The following ADAMTS20 variants were observed in gnomAD, a reference collection of about 807,000 sequenced individuals.
The protein encoded by ADAMTS20 is ADAM metallopeptidase with thrombospondin type 1 motif 20, also known as A disintegrin and metalloproteinase with thrombospondin motifs 20.
In ADAMTS20, 225 loss-of-function variants were observed where a neutral mutation model predicts 260.1. The ratio of observed to expected loss-of-function variants is 0.87; its 90% CI spans 0.78 to 0.97. The LOEUF is 0.97. Ranked by LOEUF, ADAMTS20 falls within the 50% of genes least tolerant of loss-of-function variation. The pLI, the probability that ADAMTS20 is intolerant of heterozygous loss-of-function variation, is 0.00. For missense variants in ADAMTS20, 2,400 were observed against 2,337.7 expected (o/e 1.03, Z -0.55); for synonymous variants, 802 against 769.5 (o/e 1.04, Z -0.70).
chr12:43,385,558 CT>C (rs1283779086), intron 29 of ADAMTS20, among the ~76,000 whole-genome samples: 1 of 152,114 alleles, frequency 6.6e-6, no homozygotes, highest in African/African-American at 2.4e-5. Flanking sequence ...CCTAGGTTTT[CT>C]TTTAGAGATG....
At chr12:43,393,038 G>A (rs534862937) in intron 29 of ADAMTS20, among the ~76,000 whole-genome samples, 22 of 151,890 alleles carry the variant, frequency 1.4e-4, no homozygotes, top group Admixed American at 2.6e-4. Context: ...ATTTTTATGT[G>A]TTTTCTACTT....
chr12:43,380,710 C>T (rs1304542542), intron 31 of ADAMTS20, among the ~76,000 whole-genome samples: 1 of 152,084 alleles, frequency 6.6e-6, no homozygotes, highest in African/African-American at 2.4e-5. Context: ...GCAAGATTTG[C>T]ACACTATAAG....
intron 28 of ADAMTS20, among the ~76,000 whole-genome samples, chr12:43,418,366 A>C (rs1053392376): frequency 2.0e-5 from 3 of 152,158 alleles, no homozygotes; most frequent in African/African-American, 7.2e-5. Context: ...CTGGAGTGCA[A>C]TGGCGCTATC....
chr12:43,429,872 C>T (rs1052338176), intron 23 of ADAMTS20, 148 bp from the exon 24 acceptor site: 2 of 571,778 alleles, frequency 3.5e-6, no homozygotes, highest in Non-Finnish European at 6.0e-6. Flanking sequence ...TTCAAAAGCA[C>T]TAACTACAGT....
chr12:43,536,111 T>C (rs1443381709), intron 2 of ADAMTS20, among the ~76,000 whole-genome samples: 2 of 152,064 alleles, frequency 1.3e-5, no homozygotes, highest in Non-Finnish European at 2.9e-5. Context: ...TATATAAATA[T>C]ATAATTCTTT....
chr12:43,430,752 G>A (rs1283188879), intron 22 of ADAMTS20, among the ~76,000 whole-genome samples: 1 of 152,076 alleles, frequency 6.6e-6, no homozygotes, highest in African/African-American at 2.4e-5. Context: ...ATTTTAGAAA[G>A]CAGTCAATAT....
In ADAMTS20 at chr12:43,452,421, G is replaced by C. The variant is rs1424984073; in HGVS notation, c.1943-11C>G. The C allele has an allele frequency of 1.2e-6, 2 of 1,604,872 alleles. No individual in the cohort carries two copies. Among genetic ancestry groups the C allele is most frequent in the Admixed American group, 3.5e-5 (2 of 57,694 alleles). On this transcript the variant is annotated splice_polypyrimidine_tract_variant and intron_variant, in intron 13 of 38. Transcript: ENST00000389420. ...GATCCTTTGTGCCAACTGTAAAAAA[G>C]AAAAAGGTCAAATTTTTAATGTATA...
intron 19 of ADAMTS20, 112 bp downstream of exon 19, chr12:43,434,133 G>A: frequency 4.3e-6 from 5 of 1,158,572 alleles, no homozygotes; most frequent in Non-Finnish European, 4.7e-6. Flanking sequence ...TTCATGGCAT[G>A]GCAGATGATG....
At chr12:43,440,166 C>T (rs1332903928) in intron 16 of ADAMTS20, 97 bp from the exon 17 acceptor site, 9 of 782,736 alleles carry the variant, frequency 1.1e-5, no homozygotes, top group Middle Eastern at 4.1e-4. Context: ...TTTTTTGAGA[C>T]GGAGTCTTGC....
chr12:43,391,777 C>T (rs964035384), intron 29 of ADAMTS20, among the ~76,000 whole-genome samples: 1 of 151,994 alleles, frequency 6.6e-6, no homozygotes, highest in African/African-American at 2.4e-5. Flanking sequence ...CTGCAAAATA[C>T]AGTTTTACCC....
chr12:43,505,737 G>C (rs1250170838), intron 3 of ADAMTS20, among the ~76,000 whole-genome samples: 1 of 152,160 alleles, frequency 6.6e-6, no homozygotes, highest in Non-Finnish European at 1.5e-5. Context: ...AAACAATATG[G>C]ATGTTCCTTA....
chr12:43,427,608 G>T, intron 26 of ADAMTS20, 139 bp from the exon 27 acceptor site: 2 of 811,284 alleles, frequency 2.5e-6, no homozygotes, highest in Non-Finnish European at 3.5e-6. Flanking sequence ...ATCACAATTT[G>T]AATTGAGAAA....
rs184378499 is a variant in ADAMTS20, at chr12:43,376,043, A to T, written c.5312+14T>A. On this transcript the variant is annotated intron_variant, in intron 35 of 38. Coordinates refer to ENST00000389420, the MANE Select transcript of ADAMTS20 (RefSeq NM_025003.5). ...CCATGAAAATGCTCAGATAGACCAA[A>T]ACACATCTCGTACCTAAAGCCATAC... 5,914 of 1,585,000 alleles carry T rather than the reference A, an allele frequency of 3.7e-3. 7 individuals carry two copies. Among genetic ancestry groups the T allele is most frequent in the Non-Finnish European group, 4.8e-3 (5,585 of 1,167,140 alleles).
chr12:43,377,281 G>T, intron 32 of ADAMTS20, 84 bp downstream of exon 32: 2 of 1,245,018 alleles, frequency 1.6e-6, no homozygotes, highest in East Asian at 2.6e-5. Context: ...TGAGGATCTA[G>T]TTAGACATAC....
At chr12:43,406,036 T>C (rs925449803) in intron 28 of ADAMTS20, among the ~76,000 whole-genome samples, 14 of 152,212 alleles carry the variant, frequency 9.2e-5, no homozygotes, top group African/African-American at 3.4e-4. Context: ...AACACACATA[T>C]TATACATTAC....
chr12:43,467,032 T>C (rs1942167263), intron 8 of ADAMTS20, among the ~76,000 whole-genome samples: 1 of 152,020 alleles, frequency 6.6e-6, no homozygotes, highest in Non-Finnish European at 1.5e-5. Context: ...TCAAAATATT[T>C]GGACTCTGTT....
chr12:43,398,968 T>C, intron 29 of ADAMTS20, 98 bp downstream of exon 29: 1 of 848,348 alleles, frequency 1.2e-6, no homozygotes, highest in Non-Finnish European at 1.6e-6. Flanking sequence ...CAATAAATTT[T>C]AGAGAAGCAA....
chr12:43,487,544 T>C (rs1013886226), intron 7 of ADAMTS20, among the ~76,000 whole-genome samples: 1 of 151,832 alleles, frequency 6.6e-6, no homozygotes, highest in Non-Finnish European at 1.5e-5. Flanking sequence ...TTAATCCATG[T>C]AACCAAAAAC....
chr12:43,497,337 C>T (rs1942691932), intron 4 of ADAMTS20, among the ~76,000 whole-genome samples: 1 of 152,070 alleles, frequency 6.6e-6, no homozygotes, highest in Non-Finnish European at 1.5e-5. Flanking sequence ...ACTTACCAAC[C>T]ATTTTGAAAA....
Sources: allele counts gnomAD v4.1 joint callset (sites outside exome capture counted in the v4.1 genomes callset), GRCh38; gene constraint gnomAD v4.1.1; transcripts MANE v1.5; gene names NCBI Gene and HGNC (gene_info 2026-07-23, HGNC 2026-07-21).